Variants in TBP observed in about 807,000 individuals in gnomAD.
TBP encodes the protein TATA-box binding protein, also known as TATA-box-binding protein.
A neutral mutation model predicts 46.2 loss-of-function variants in TBP; 12 were observed. The ratio of observed to expected loss-of-function variants is 0.26; its 90% confidence interval spans 0.17 to 0.42. TBP has a LOEUF of 0.42. Ranked by LOEUF, TBP falls within the 10% of genes least tolerant of loss-of-function variation. TBP has a pLI of 1.00. For missense variants in TBP, 229 were observed against 403.1 expected, an observed-to-expected ratio of 0.57 and a Z score of 3.70; for synonymous variants, 157 against 148.3, an observed-to-expected ratio of 1.06 and a Z score of -0.42.
chr6:170,565,944 C>T (rs1440762016), intron 4 of TBP, among the ~76,000 whole-genome samples: 2 of 151,956 alleles, frequency 1.3e-5, no homozygotes, highest in African/African-American at 2.4e-5. Context: ...GTTGGTGGCA[C>T]ACACCTATAA....
At chr6:170,564,667 CTTTT>C in intron 4 of TBP, 35 bp downstream of exon 4, 1 of 1,365,726 alleles carries the variant, frequency 7.3e-7, no homozygotes, top group Non-Finnish European at 1.0e-6. Context: ...TTTTTTTTTT[CTTTT>C]TTGTCTCCTC....
chr6:170,558,661 T>C (rs1034810247), intron 2 of TBP, among the ~76,000 whole-genome samples: 1 of 152,058 alleles, frequency 6.6e-6, no homozygotes, highest in Non-Finnish European at 1.5e-5. Flanking sequence ...TATTATCCGT[T>C]ATTGTTATCA....
chr6:170,572,083 G>T, intron 7 of TBP, 103 bp from the exon 8 acceptor site: 1 of 862,320 alleles, frequency 1.2e-6, no homozygotes, highest in East Asian at 2.4e-5. Context: ...GACTGGGTAT[G>T]GTGAGAATTG....
intron 6 of TBP, among the ~76,000 whole-genome samples, chr6:170,570,954 A>G (rs1779356370): frequency 6.6e-6 from 1 of 152,218 alleles, no homozygotes; most frequent in East Asian, 1.9e-4. Flanking sequence ...TCAGCTAGAG[A>G]ATATTTCAAT....
Position 170,572,179 on chromosome 6 carries a change from T to G in TBP, c.941-7T>G. 3 of 1,611,902 alleles carry G rather than the reference T, an allele frequency of 1.9e-6. No homozygotes were observed. The highest frequency in any genetic ancestry group is 2.5e-6 in the Non-Finnish European group (3 of 1,178,030). Reference sequence around the variant, plus strand: ...TCTCTCATCTCTACTCCAACTTGTCTTCTTAGGTGCTAAAGTCAGAGCAGA... The same window carrying G: ...TCTCTCATCTCTACTCCAACTTGTCGTCTTAGGTGCTAAAGTCAGAGCAGA... On this transcript the variant is annotated splice_region_variant and splice_polypyrimidine_tract_variant and intron_variant, in intron 7 of 7. Coordinates refer to ENST00000392092, the MANE Select transcript of TBP (RefSeq NM_003194.5).
intron 5 of TBP, among the ~76,000 whole-genome samples, chr6:170,568,010 T>C (rs1266753638): frequency 6.6e-6 from 1 of 152,230 alleles, no homozygotes; most frequent in Non-Finnish European, 1.5e-5. Flanking sequence ...GCTGTGGATA[T>C]TTTTGCTTAT....
At chr6:170,568,865 T>G (rs963127193) in intron 5 of TBP, among the ~76,000 whole-genome samples, 1 of 126,110 alleles carries the variant, frequency 7.9e-6, no homozygotes, top group African/African-American at 3.2e-5. Flanking sequence ...TAGGCTGGAG[T>G]GCAGTGGCAC....
Position 170,561,652 on chromosome 6 carries a change from T to G in TBP, c.55-139T>G. 3.4e-6 allele frequency: 5 copies of G among 1,468,534 alleles called. No homozygotes were observed. In the Admixed American group the frequency reaches 1.2e-4, roughly 35 times the overall value. 91.0% of individuals were successfully genotyped at this position (1,468,534 alleles called of 1,614,324 possible). A position where few individuals can be genotyped will look rare whatever the true frequency, so the allele number is the denominator to read the frequency against. On this transcript the variant is annotated intron_variant, in intron 2 of 7. Transcript: ENST00000392092. Reference sequence around the variant, plus strand: ...AATGTGTATAAGAATAGCTGGTTCTTCCGTAATTAATGTTTAATAACCCCA... The same window carrying G: ...AATGTGTATAAGAATAGCTGGTTCTGCCGTAATTAATGTTTAATAACCCCA...
chr6:170,563,190 G>T (rs1342494034), intron 3 of TBP, among the ~76,000 whole-genome samples: 3 of 152,230 alleles, frequency 2.0e-5, no homozygotes, highest in Admixed American at 6.5e-5. Flanking sequence ...ACTCCCATGT[G>T]TCCAGCATGC....
intron 1 of TBP, among the ~76,000 whole-genome samples, chr6:170,555,133 T>G (rs534721875): frequency 6.6e-6 from 1 of 152,346 alleles, no homozygotes; most frequent in South Asian, 2.1e-4. Flanking sequence ...AACAACTCTT[T>G]TCTGAGGATA....
intron 2 of TBP, among the ~76,000 whole-genome samples, chr6:170,559,091 T>C (rs1161430700): frequency 6.6e-6 from 1 of 152,252 alleles, no homozygotes; most frequent in Non-Finnish European, 1.5e-5. Context: ...GGAACTTAAT[T>C]GATAAATGTC....
chr6:170,567,017 T>A lies in TBP; in HGVS notation c.677+8T>A. 1 of 1,611,128 alleles carries A rather than the reference T, an allele frequency of 6.2e-7. No homozygotes were observed. The highest frequency in any genetic ancestry group is 1.3e-5 in the African/African-American group (1 of 75,026). On this transcript the variant is annotated splice_region_variant and intron_variant, in intron 5 of 7. Coordinates refer to ENST00000392092, the MANE Select transcript of TBP (RefSeq NM_003194.5). ...GTGCACAGGAGCCAAGAGGTAGCCG[T>A]AAGAAATTCATTCTTCTGGTCTATG...
intron 2 of TBP, among the ~76,000 whole-genome samples, chr6:170,559,960 A>G (rs560901959): frequency 6.6e-6 from 1 of 152,320 alleles, no homozygotes; most frequent in East Asian, 1.9e-4. Context: ...AGTAAACAGA[A>G]CAACAAAACC....
At chr6:170,569,559 A>T in intron 5 of TBP, 53 bp from the exon 6 acceptor site, 1 of 1,526,242 alleles carries the variant, frequency 6.6e-7, no homozygotes, top group African/African-American at 1.4e-5. Context: ...TAGTCTAAAT[A>T]AGTATTTTAG....
At chr6:170,563,771 T>C (rs1336929648) in intron 3 of TBP, among the ~76,000 whole-genome samples, 1 of 152,254 alleles carries the variant, frequency 6.6e-6, no homozygotes, top group Admixed American at 6.5e-5. Context: ...TGTTGAGCAG[T>C]TAATTGCATT....
intron 3 of TBP, among the ~76,000 whole-genome samples, chr6:170,562,699 G>A (rs572821370): frequency 2.6e-4 from 40 of 152,246 alleles, no homozygotes; most frequent in African/African-American, 9.4e-4. Context: ...AAATGAAGAC[G>A]ACTGTTTTTG....
rs1207784627 is a variant in TBP at position 170,561,881 on chromosome 6, C to T, written c.145C>T (p.Leu49=). 2.5e-6 allele frequency: 4 copies of T among 1,614,068 alleles called. No individual in the cohort carries two copies. Among genetic ancestry groups the T allele is most frequent in the South Asian group, 2.2e-5 (2 of 91,076 alleles). ...TPQPIQNTNS[L]SILEEQQRQQ... ...ACAGCCTATTCAGAACACCAATAGT[C>T]TGTCTATTTTGGAAGAGCAACAAAG... The change falls in exon 3 of 8, where the codon CTG becomes TTG. Residue 49 remains leucine (L), a synonymous_variant. Transcript: ENST00000392092.
intron 5 of TBP, chr6:170,567,215 T>C (rs1779271900): frequency 5.0e-6 from 1 of 199,614 alleles, no homozygotes; most frequent in African/African-American, 2.4e-5. Context: ...TTTCATTTTC[T>C]TAAAAATTAG....
intron 4 of TBP, 138 bp downstream of exon 4, chr6:170,564,770 C>CAA: frequency 2.4e-6 from 1 of 414,002 alleles, no homozygotes; most frequent in Non-Finnish European, 4.1e-6. Flanking sequence ...CCTGTAATCC[C>CAA]AGCACTTTGG....
Sources: gnomAD v4.1 joint callset for allele counts (sites outside exome capture counted in the v4.1 genomes callset) on GRCh38, gnomAD v4.1.1 for gene constraint, MANE v1.5 for transcripts, NCBI Gene and HGNC (gene_info 2026-07-23, HGNC 2026-07-21) for gene names.